The following DCAF10 variants were observed in gnomAD, a reference collection of about 807,000 sequenced individuals.
DCAF10 encodes DDB1 and CUL4 associated factor 10, also known as DDB1- and CUL4-associated factor 10.
Under a neutral mutation model 51.9 loss-of-function variants are expected in DCAF10, and 19 were observed. The ratio of observed to expected loss-of-function variants is 0.37; its 90% CI spans 0.26 to 0.54. The LOEUF (loss-of-function observed/expected upper bound fraction) is 0.54. Ranked by LOEUF, DCAF10 falls within the 20% of genes least tolerant of loss-of-function variation. The probability of loss-of-function intolerance (pLI) is 0.87; values close to 1 mark genes in which losing one functional copy is unlikely to be tolerated. For synonymous variants in DCAF10, 291 were observed against 297.1 expected, an observed-to-expected ratio of 0.98 and a Z score of 0.21; for missense variants, 510 against 730.6, an observed-to-expected ratio of 0.70 and a Z score of 3.48.
Position 37,819,433 on chromosome 9 carries a change from C to T in DCAF10, c.653+32C>T, listed in dbSNP as rs192158102. ...ATTATAGTGAAAAAGTGAACTTTAT[C>T]AGTGTGGCCCAAAATGTTCTGTTTT... On this transcript the variant is annotated intron_variant, in intron 2 of 6. Transcript: ENST00000377724. The T allele has an allele frequency of 1.0e-4, 159 of 1,518,176 alleles. No individual in the cohort carries two copies. In the African/African-American group the frequency reaches 2.0e-3, roughly 19 times the overall value. The allele number at this position is 1,518,176 out of a possible 1,614,324, so 94.0% of individuals were successfully genotyped here. A position where few individuals can be genotyped will look rare whatever the true frequency, so the allele number is the denominator to read the frequency against.
At chr9:37,860,390 T>G in intron 6 of DCAF10, 197 bp downstream of exon 6, 1 of 601,332 alleles carries the variant, frequency 1.7e-6, no homozygotes, top group Non-Finnish European at 2.6e-6. Context: ...ACTCTTCTTA[T>G]TCCTCTCCTG....
chr9:37,836,232 C>T (rs1830162350), intron 2 of DCAF10: 2 of 1,542,136 alleles, frequency 1.3e-6, no homozygotes, highest in African/African-American at 1.4e-5. Flanking sequence ...AGAGTTAGAA[C>T]ATCTAACTGG....
intron 2 of DCAF10, among the ~76,000 whole-genome samples, chr9:37,824,339 G>T (rs1314925104): frequency 6.6e-6 from 1 of 151,992 alleles, no homozygotes; most frequent in East Asian, 1.9e-4. Context: ...GGTATAATAT[G>T]TTAAGGCCCT....
At chr9:37,836,101 G>T in intron 2 of DCAF10, 1 of 1,231,096 alleles carries the variant, frequency 8.1e-7, no homozygotes, top group Non-Finnish European at 1.2e-6. Context: ...AAAGAACTTG[G>T]TATCTCTATT....
intron 4 of DCAF10, among the ~76,000 whole-genome samples, chr9:37,856,782 T>C (rs1423595220): frequency 1.3e-5 from 2 of 151,776 alleles, no homozygotes; most frequent in South Asian, 2.1e-4. Context: ...GCAAGATCCT[T>C]GTCTCAAAAA....
intron 2 of DCAF10, 99 bp from the exon 3 acceptor site, chr9:37,841,990 T>C (rs2118042250): frequency 2.6e-6 from 3 of 1,155,630 alleles, no homozygotes; most frequent in East Asian, 5.0e-5. Context: ...CCTTTTTTTC[T>C]TTCTTTCTTG....
intron 1 of DCAF10, among the ~76,000 whole-genome samples, chr9:37,810,443 A>C: frequency 6.6e-6 from 1 of 150,978 alleles, no homozygotes; most frequent in Non-Finnish European, 1.5e-5. Flanking sequence ...GCTGAATGGT[A>C]TTTCTTTCTT....
chr9:37,838,268 GT>G (rs1830231749), intron 2 of DCAF10, among the ~76,000 whole-genome samples: 1 of 151,940 alleles, frequency 6.6e-6, no homozygotes, highest in Admixed American at 6.6e-5. Context: ...AAACATAAAA[GT>G]TTCAACTTAA....
intron 1 of DCAF10, among the ~76,000 whole-genome samples, chr9:37,808,061 CAT>C (rs1328431331): frequency 3.9e-5 from 6 of 152,128 alleles, no homozygotes; most frequent in South Asian, 2.1e-4. Flanking sequence ...AAAATTTTCA[CAT>C]ATGAGACCAC....
chr9:37,810,864 C>G (rs900013828), intron 1 of DCAF10, among the ~76,000 whole-genome samples: 3 of 152,104 alleles, frequency 2.0e-5, no homozygotes, highest in Admixed American at 2.0e-4. Flanking sequence ...CTCCCCTCCC[C>G]TCACCCAGTA....
chr9:37,828,787 C>T (rs967816096), intron 2 of DCAF10, among the ~76,000 whole-genome samples: 10 of 151,940 alleles, frequency 6.6e-5, no homozygotes, highest in Non-Finnish European at 1.5e-4. Context: ...AGAGGTTTGG[C>T]TATATATATG....
Position 37,861,518 on chromosome 9 carries a change from AC to A in DCAF10, c.*11del. 1.3e-6 allele frequency: 2 copies of A among 1,597,862 alleles called. No homozygotes were observed. The highest frequency in any genetic ancestry group is 1.7e-6 in the Non-Finnish European group (2 of 1,168,174). ...TCAGCCAAAGTTTTAGGCACAACTTACATCAAATAAGGAACTCTTCTGGTGT... is the reference window on the plus strand; with the variant it reads ...TCAGCCAAAGTTTTAGGCACAACTTAATCAAATAAGGAACTCTTCTGGTGT... On this transcript the variant is annotated 3_prime_UTR_variant, in exon 7 of 7. Transcript: ENST00000377724. The surrounding 1 kb of genome is among the most constrained non-coding windows in gnomAD (Gnocchi z 4.9).
intron 1 of DCAF10, among the ~76,000 whole-genome samples, chr9:37,810,235 A>G (rs895192817): frequency 2.0e-5 from 3 of 152,212 alleles, no homozygotes; most frequent in South Asian, 2.1e-4. Flanking sequence ...GAATAATCAG[A>G]AAAGCTAGAG....
chr9:37,808,009 C>T (rs746322929), intron 1 of DCAF10, among the ~76,000 whole-genome samples: 4 of 151,994 alleles, frequency 2.6e-5, no homozygotes, highest in Admixed American at 6.6e-5. Flanking sequence ...ATGTAACAGC[C>T]GCTTCATCCT....
At chr9:37,820,010 GA>G (rs1829656052) in intron 2 of DCAF10, among the ~76,000 whole-genome samples, 2 of 152,120 alleles carry the variant, frequency 1.3e-5, no homozygotes, top group Non-Finnish European at 2.9e-5. Context: ...TGATACAGAA[GA>G]AAAAGATTAA....
chr9:37,806,540 C>G (rs1432837383), intron 1 of DCAF10, among the ~76,000 whole-genome samples: 1 of 152,174 alleles, frequency 6.6e-6, no homozygotes, highest in Non-Finnish European at 1.5e-5. Flanking sequence ...GAACTACAGC[C>G]CCGGGAGATC....
At chr9:37,821,924 A>AT (rs1829714045) in intron 2 of DCAF10, among the ~76,000 whole-genome samples, 3 of 152,306 alleles carry the variant, frequency 2.0e-5, no homozygotes, top group Middle Eastern at 3.4e-3. Context: ...AAAAAAAACA[A>AT]CAATCAATCC....
intron 1 of DCAF10, among the ~76,000 whole-genome samples, chr9:37,817,555 G>A (rs528718058): frequency 2.2e-4 from 33 of 152,016 alleles, no homozygotes; most frequent in African/African-American, 7.2e-4. Context: ...CTGAGGTCGC[G>A]CCACCACACT....
chr9:37,860,982 C>T (rs1830997345), intron 6 of DCAF10, among the ~76,000 whole-genome samples, 158 bp from the exon 7 acceptor site: 1 of 151,922 alleles, frequency 6.6e-6, no homozygotes, highest in African/African-American at 2.4e-5. Flanking sequence ...AGGGGGCCTA[C>T]AAGTTTTGTT....
Sources: gnomAD v4.1 joint callset for allele counts (sites outside exome capture counted in the v4.1 genomes callset) on GRCh38, gnomAD v4.1.1 for gene constraint, Gnocchi (gnomAD v3.1) non-coding constraint, MANE v1.5 for transcripts, NCBI Gene and HGNC (gene_info 2026-07-23, HGNC 2026-07-21) for gene names.